The following DAAM2 variants were observed in gnomAD, a reference collection of about 807,000 sequenced individuals.
The protein encoded by DAAM2 is dishevelled associated activator of morphogenesis 2, also known as disheveled-associated activator of morphogenesis 2.
A neutral mutation model predicts 120.7 loss-of-function variants in DAAM2; 39 were observed. That is an observed-to-expected ratio of 0.32 (90% CI 0.25 to 0.42). The LOEUF (loss-of-function observed/expected upper bound fraction) is 0.42. Ranked by LOEUF, DAAM2 falls within the 10% of genes least tolerant of loss-of-function variation. DAAM2 has a pLI of 1.00. For synonymous variants in DAAM2, 488 were observed against 524.9 expected (o/e 0.93, Z 0.96); for missense variants, 1,283 against 1,401.7 (o/e 0.92, Z 1.35).
chr6:39,845,745 C>T (rs1215519470), intron 1 of DAAM2, among the ~76,000 whole-genome samples: 1 of 152,006 alleles, frequency 6.6e-6, no homozygotes, highest in Non-Finnish European at 1.5e-5. Context: ...ACTCAATCCA[C>T]ATCCCTCCCG....
At chr6:39,841,890 A>G (rs1392704027) in intron 1 of DAAM2, among the ~76,000 whole-genome samples, 2 of 152,172 alleles carry the variant, frequency 1.3e-5, no homozygotes, top group Admixed American at 1.3e-4. Flanking sequence ...AAGCACAGAG[A>G]CGAAAAATAT....
At position 39,864,964 on chromosome 6, in the gene DAAM2, A is replaced by G. The variant is rs867024285; in HGVS notation, c.334-16A>G. ...GTTGGGAGACAGGCAGCCCCTTTCT[A>G]CCTGCTGGCCCTCAGATGCAGAGTC... On this transcript the variant is annotated splice_polypyrimidine_tract_variant and intron_variant, in intron 4 of 24. Transcript: ENST00000274867. The G allele has an allele frequency of 1.9e-6, 3 of 1,590,244 alleles. No homozygotes were observed. The highest frequency in any genetic ancestry group is 2.7e-5 in the African/African-American group (2 of 74,542).
intron 1 of DAAM2, among the ~76,000 whole-genome samples, chr6:39,838,577 A>G (rs1763197415): frequency 6.6e-6 from 1 of 152,144 alleles, no homozygotes; most frequent in Non-Finnish European, 1.5e-5. Flanking sequence ...AGATTTTACA[A>G]CTGTCAGAGC....
intron 1 of DAAM2, among the ~76,000 whole-genome samples, chr6:39,852,858 G>T (rs1406165557): frequency 6.6e-6 from 1 of 152,194 alleles, no homozygotes; most frequent in Non-Finnish European, 1.5e-5. Flanking sequence ...GTCAGAGCAG[G>T]AGCGGGTGAG....
intron 1 of DAAM2, among the ~76,000 whole-genome samples, chr6:39,850,296 C>T (rs1024486900): frequency 6.6e-6 from 1 of 152,090 alleles, no homozygotes; most frequent in African/African-American, 2.4e-5. Context: ...TGATTTTCTC[C>T]TCTCTTTCAA....
At chr6:39,874,243 T>C (rs772748425) in intron 10 of DAAM2, among the ~76,000 whole-genome samples, 1 of 152,130 alleles carries the variant, frequency 6.6e-6, no homozygotes, top group African/African-American at 2.4e-5. Context: ...TTCTGCGGGG[T>C]CAAGGGTTGA....
rs751737330 is a variant in DAAM2 at position 39,878,536 on chromosome 6, G to A, written c.1493G>A (p.Arg498His). The change falls in exon 13 of 25, where the codon CGC becomes CAC. Residue 498 changes from arginine to histidine, a missense_variant. Arg to His is a conservative substitution (Grantham distance 29). Transcript: ENST00000274867. This position sits in a 1 kb window ranked among gnomAD's most constrained non-coding sequence, Gnocchi z 5.0. The part of the protein sequence containing the change: ...DKLARESQEL[R>H]QARGQVAELV... ...CTGGCCCGGGAGTCCCAGGAGCTGCGCCAGGCTCGGGGACAAGTGGCAGAG... is the reference window on the plus strand; with the variant it reads ...CTGGCCCGGGAGTCCCAGGAGCTGCACCAGGCTCGGGGACAAGTGGCAGAG... 4.3e-6 allele frequency: 7 copies of A among 1,609,894 alleles called. No homozygotes were observed. Among genetic ancestry groups the A allele is most frequent in the South Asian group, 2.2e-5 (2 of 89,900 alleles).
intron 15 of DAAM2, chr6:39,884,481 G>A (rs1164984137): frequency 6.2e-6 from 1 of 162,112 alleles, no homozygotes; most frequent in African/African-American, 2.4e-5. Context: ...GGCTTAGAAG[G>A]CATAATAACT....
chr6:39,828,355 A>T (rs1231392792), intron 1 of DAAM2, among the ~76,000 whole-genome samples: 1 of 152,140 alleles, frequency 6.6e-6, no homozygotes, highest in Non-Finnish European at 1.5e-5. Context: ...AACTGTAAAG[A>T]GCATAGGTAC....
rs77467721 is a variant in DAAM2 at position 39,900,698 on chromosome 6, T to A, written c.2811+490T>A. 2.3e-3 allele frequency among the ~76,000 whole-genome samples: 346 copies of A among 152,236 alleles called. 2 individuals carry two copies. The highest frequency in any genetic ancestry group is 0.014 in the Middle Eastern group (4 of 294). On this transcript the variant is annotated intron_variant, in intron 23 of 24. Transcript: ENST00000274867. Reference sequence around the variant, plus strand: ...ATTTAGGAGGCCTGGGGTCTGAGATTCTGCATTTCTAACAGGAGGTGAATC... The same window carrying A: ...ATTTAGGAGGCCTGGGGTCTGAGATACTGCATTTCTAACAGGAGGTGAATC...
chr6:39,828,438 T>C (rs1762755668), intron 1 of DAAM2, among the ~76,000 whole-genome samples: 1 of 152,208 alleles, frequency 6.6e-6, no homozygotes, highest in South Asian at 2.1e-4. Context: ...CCCTTGCCAG[T>C]GGAACTATGC....
At position 39,898,789 on chromosome 6, in the gene DAAM2, T is replaced by A. The variant is rs1766286070; in HGVS notation, c.2619-88T>A. The stretch of plus-strand genomic sequence containing the variant: ...CTCACCGACTCCCAGGCCACTGTGC[T>A]TGGCTCTGCCCTCTCCCTGAACCAG... On this transcript the variant is annotated intron_variant, in intron 21 of 24. Transcript: ENST00000274867. The A allele has an allele frequency of 3.4e-5, 39 of 1,159,992 alleles. No individual in the cohort carries two copies. In the South Asian group the frequency reaches 5.1e-4, roughly 15 times the overall value. 71.9% of individuals were successfully genotyped at this position (1,159,992 alleles called of 1,614,324 possible). A position where few individuals can be genotyped will look rare whatever the true frequency, so the allele number is the denominator to read the frequency against.
At chr6:39,871,328 T>A (rs1285814211) in intron 8 of DAAM2, among the ~76,000 whole-genome samples, 178 bp from the exon 9 acceptor site, 1 of 152,132 alleles carries the variant, frequency 6.6e-6, no homozygotes, top group Non-Finnish European at 1.5e-5. Context: ...CATGGGATCT[T>A]ATAAAGGGCA....
intron 1 of DAAM2, among the ~76,000 whole-genome samples, chr6:39,845,397 A>G (rs993804965): frequency 2.5e-3 from 5 of 1,962 alleles, no homozygotes; most frequent in African/African-American, 6.0e-3. Context: ...CACCACACAT[A>G]CACATTCCCT....
chr6:39,859,249 A>T (rs989831038), intron 2 of DAAM2, among the ~76,000 whole-genome samples: 2 of 152,134 alleles, frequency 1.3e-5, no homozygotes, highest in Admixed American at 6.5e-5. Context: ...TCCAGGTAGG[A>T]CTCACTGTGT....
Position 39,896,955 on chromosome 6 carries a change from G to C in DAAM2, c.2485G>C (p.Ala829Pro), listed in dbSNP as rs780265739. The C allele has an allele frequency of 3.5e-5, 57 of 1,610,974 alleles. No homozygotes were observed. Among genetic ancestry groups the C allele is most frequent in the Non-Finnish European group, 4.8e-5 (57 of 1,178,654 alleles). ...GFRVASLNKIADTKSSIDRNI... is the reference protein window; with the variant it reads ...GFRVASLNKIPDTKSSIDRNI... ...CCGGGTGGCCAGCCTCAACAAGATC[G>C]CTGACACCAAGTCCAGCATCGACAG... is the stretch of plus-strand genomic sequence containing the variant. Residue 829 changes from alanine to proline, a missense_variant, in exon 20 of 25, where the codon GCT (alanine) becomes CCT (proline). This residue lies in a region of DAAM2 where 748 missense variants were observed against 768.6 expected (regional missense o/e 0.97). Coordinates refer to ENST00000274867, the MANE Select transcript of DAAM2 (RefSeq NM_001201427.2).
At chr6:39,817,228 A>G (rs555820305) in intron 1 of DAAM2, among the ~76,000 whole-genome samples, 6 of 152,330 alleles carry the variant, frequency 3.9e-5, no homozygotes, top group African/African-American at 1.2e-4. Flanking sequence ...CAGGATCAAA[A>G]TCCTTTTATG....
chr6:39,895,989 T>C (rs932610244), intron 19 of DAAM2, among the ~76,000 whole-genome samples: 3 of 152,172 alleles, frequency 2.0e-5, no homozygotes, highest in African/African-American at 7.2e-5. Flanking sequence ...CATTATTTTA[T>C]AGAACAAAAA....
chr6:39,865,865 G>A (rs997352160), intron 5 of DAAM2, among the ~76,000 whole-genome samples: 4 of 152,098 alleles, frequency 2.6e-5, no homozygotes, highest in Admixed American at 2.6e-4. Context: ...TTTACTATAA[G>A]GTATACTTTT....
Sources: allele counts gnomAD v4.1 joint callset (sites outside exome capture counted in the v4.1 genomes callset), GRCh38; gene constraint gnomAD v4.1.1; regional missense constraint gnomAD v4.1.1; non-coding constraint Gnocchi (gnomAD v3.1); transcripts MANE v1.5; gene names NCBI Gene and HGNC (gene_info 2026-07-23, HGNC 2026-07-21).